The following CELSR3 variants were observed in gnomAD, a reference collection of about 807,000 sequenced individuals.
CELSR3 encodes the protein cadherin EGF LAG seven-pass G-type receptor 3, also known as EGF-like protein 1.
CELSR3 carries 73 observed loss-of-function variants against 270.0 expected under a neutral mutation model. The ratio of observed to expected loss-of-function variants is 0.27; its 90% confidence interval spans 0.22 to 0.33. The LOEUF (loss-of-function observed/expected upper bound fraction) is 0.33, where lower values mean the gene tolerates loss of function less well. Ranked by LOEUF, CELSR3 falls within the 10% of genes least tolerant of loss-of-function variation. The pLI, the probability that CELSR3 is intolerant of heterozygous loss-of-function variation, is 1.00. For missense variants in CELSR3, 3,614 were observed against 4,533.8 expected (o/e 0.80, Z 5.83); for synonymous variants, 1,780 against 1,905.4 (o/e 0.93, Z 1.71).
rs757100349 is a variant in CELSR3, at chr3:48,661,739, G to A, written c.896C>T (p.Pro299Leu). The A allele has an allele frequency of 1.6e-5, 25 of 1,581,480 alleles. No individual in the cohort carries two copies. Among genetic ancestry groups the A allele is most frequent in the Non-Finnish European group, 2.1e-5 (25 of 1,165,726 alleles). ...QRPGPRPPGLPARPEARKVTS... is the reference protein window; with the variant it reads ...QRPGPRPPGLLARPEARKVTS... ...TACTTTCCTGGCTTCAGGACGGGCC[G>A]GGAGTCCCGGGGGACGCGGCCCGGG... Residue 299 changes from proline (P) to leucine (L), a missense_variant, in exon 1 of 35, where the codon CCG becomes CTG. Physicochemically the swap from Pro to Leu is moderately conservative, Grantham distance 98 (BLOSUM62 -3). Transcript: ENST00000164024.
Position 48,645,062 on chromosome 3 carries a change from C to T in CELSR3, c.7945G>A (p.Gly2649Ser). The T allele has an allele frequency of 6.3e-7, 1 of 1,594,634 alleles. No individual in the cohort carries two copies. Among genetic ancestry groups the T allele is most frequent in the Non-Finnish European group, 8.6e-7 (1 of 1,166,518 alleles). Reference protein sequence around the residue: ...RGAMRFYHALGWGVPAVLLGL... With the variant: ...RGAMRFYHALSWGVPAVLLGL... ...AGCAGCACAGCAGGGACGCCCCAGCCCAGGGCATGGTAGAAGCGCATGGCG... is the reference window on the plus strand; with the variant it reads ...AGCAGCACAGCAGGGACGCCCCAGCTCAGGGCATGGTAGAAGCGCATGGCG... Residue 2649 changes from glycine (G) to serine (S), a missense_variant, in exon 25 of 35, where the codon GGC becomes AGC. This residue lies in a region of CELSR3 where 1,240 missense variants were observed against 1,351.7 expected (regional missense o/e 0.92). Transcript: ENST00000164024. This position sits in a 1 kb window ranked among gnomAD's most constrained non-coding sequence, Gnocchi z 5.4.
At position 48,662,207 on chromosome 3, in the gene CELSR3, C is replaced by T. The variant is rs748573551; in HGVS notation, c.428G>A (p.Gly143Glu). ...ACCTCTTTGCAAAGGTCCTGTCCGC[C>T]CGCAAGAGGAGACCTCTGGGCGCCA... ...LYWRPEVSSC[G>E]RTGPLQRGSL... Residue 143 changes from glycine to glutamate, a missense_variant, in exon 1 of 35, where the codon GGG (glycine) becomes GAG (glutamate). Transcript: ENST00000164024. The surrounding 1 kb of genome is among the most constrained non-coding windows in gnomAD (Gnocchi z 7.1). The T allele has an allele frequency of 1.1e-5, 17 of 1,612,964 alleles. No individual in the cohort carries two copies. Among genetic ancestry groups the T allele is most frequent in the African/African-American group, 9.3e-5 (7 of 74,942 alleles).
chr3:48,661,472 G>A lies in CELSR3; in HGVS notation c.1163C>T (p.Ala388Val). 1.2e-6 allele frequency: 2 copies of A among 1,607,284 alleles called. No individual in the cohort carries two copies. Among genetic ancestry groups the A allele is most frequent in the Non-Finnish European group, 8.5e-7 (1 of 1,177,162 alleles). Residue 388 changes from alanine to valine, a missense_variant, in exon 1 of 35, where the codon GCG becomes GTG. Coordinates refer to ENST00000164024, the MANE Select transcript of CELSR3 (RefSeq NM_001407.3). ...CATGCTCTCGCGGTCCAGAGCTGCC[G>A]CCGTACGGATAAGGCCGCTCTGCGG... The part of the protein sequence containing the change: ...IDPQSGLIRT[A>V]AALDRESMER...
Position 48,649,218 on chromosome 3 carries a change from G to A in CELSR3, c.6473-3C>T. ...ATCACACAGCCGCACAGCAGCACCT[G>A]GAGGCAGGCAACCCCTGGTCAGGCC... On this transcript the variant is annotated splice_polypyrimidine_tract_variant and splice_region_variant and intron_variant, in intron 16 of 34. Coordinates refer to ENST00000164024, the MANE Select transcript of CELSR3 (RefSeq NM_001407.3). 1 of 1,607,234 alleles carries A rather than the reference G, an allele frequency of 6.2e-7. No homozygotes were observed. Among genetic ancestry groups the A allele is most frequent in the Admixed American group, 1.7e-5 (1 of 59,202 alleles).
chr3:48,642,588 G>A lies in CELSR3; in HGVS notation c.8556-121C>T. On this transcript the variant is annotated intron_variant, in intron 30 of 34. Transcript: ENST00000164024. This position sits in a 1 kb window ranked among gnomAD's most constrained non-coding sequence, Gnocchi z 6.1. ...AATGGCATCCCTGGGTGTGTGTGGT[G>A]GGAAGCATTTAGGGCAGAGGCAGAA... 1 of 1,432,744 alleles carries A rather than the reference G, an allele frequency of 7.0e-7. No individual in the cohort carries two copies. Among genetic ancestry groups the A allele is most frequent in the Non-Finnish European group, 9.4e-7 (1 of 1,059,252 alleles). The allele number at this position is 1,432,744 out of a possible 1,614,324, so 88.8% of individuals were successfully genotyped here.
chr3:48,654,319 C>T lies in CELSR3; in HGVS notation c.5122G>A (p.Ala1708Thr), dbSNP rs1178154964. 1 of 1,613,966 alleles carries T rather than the reference C, an allele frequency of 6.2e-7. No individual in the cohort carries two copies. The highest frequency in any genetic ancestry group is 8.5e-7 in the Non-Finnish European group (1 of 1,180,040). The change falls in exon 7 of 35, where the codon GCT becomes ACT. Residue 1708 changes from alanine (A) to threonine (T), a missense_variant. By Grantham distance (58) the Ala-to-Thr change is moderately conservative (BLOSUM62 0). Transcript: ENST00000164024. The surrounding 1 kb of genome is among the most constrained non-coding windows in gnomAD (Gnocchi z 5.4). ...HIDGRRVDMA[A>T]FVANNGTMAG... Reference sequence around the variant, plus strand: ...ATGGTGCCATTATTTGCGACAAAAGCCGCCATGTCCACTCGGCGGCCATCA... The same window carrying T: ...ATGGTGCCATTATTTGCGACAAAAGTCGCCATGTCCACTCGGCGGCCATCA...
chr3:48,657,014 C>T lies in CELSR3; in HGVS notation c.4083G>A (p.Ala1361=), dbSNP rs769777864. 6.2e-7 allele frequency: 1 copy of T among 1,613,268 alleles called. No homozygotes were observed. Among genetic ancestry groups the T allele is most frequent in the African/African-American group, 1.3e-5 (1 of 75,006 alleles). The change falls in exon 2 of 35, where the codon GCG becomes GCA. Residue 1361 remains alanine, a synonymous_variant. Coordinates refer to ENST00000164024, the MANE Select transcript of CELSR3 (RefSeq NM_001407.3). This position sits in a 1 kb window ranked among gnomAD's most constrained non-coding sequence, Gnocchi z 5.4. ...CGAGCAGGGAGCGAGCCGCCAGCGCCGCCCGGCGCACGTACAACTGCTCCT... is the reference window on the plus strand; with the variant it reads ...CGAGCAGGGAGCGAGCCGCCAGCGCTGCCCGGCGCACGTACAACTGCTCCT... ...ELQEQLYVRR[A]ALAARSLLDV... is the part of the protein sequence containing the mutation.
In CELSR3 at chr3:48,648,431, C is replaced by A; in HGVS notation, c.6808G>T (p.Ala2270Ser). ...NLLWAGSALL[A>S]PETGDLWAAL... Reference sequence around the variant, plus strand: ...GCCCACAAGTCCCCTGTCTCTGGGGCAAGCAGTGCAGAGCCGGCCCACAGC... The same window carrying A: ...GCCCACAAGTCCCCTGTCTCTGGGGAAAGCAGTGCAGAGCCGGCCCACAGC... Residue 2270 changes from alanine (A) to serine (S), a missense_variant, in exon 19 of 35, where the codon GCC becomes TCC. By Grantham distance (99) the Ala-to-Ser change is moderately conservative. Coordinates refer to ENST00000164024, the MANE Select transcript of CELSR3 (RefSeq NM_001407.3). 6.3e-7 allele frequency: 1 copy of A among 1,595,460 alleles called. No individual in the cohort carries two copies. The highest frequency in any genetic ancestry group is 8.5e-7 in the Non-Finnish European group (1 of 1,172,670).
At position 48,658,576 on chromosome 3, in the gene CELSR3, C is replaced by T. The variant is rs2077041008; in HGVS notation, c.3748+311G>A. Reference sequence around the variant, plus strand: ...CCCATACTGGCTTTGCCTAGGACCTCCAGAGGATTACCCCAGGACCTCTGA... The same window carrying T: ...CCCATACTGGCTTTGCCTAGGACCTTCAGAGGATTACCCCAGGACCTCTGA... On this transcript the variant is annotated intron_variant, in intron 1 of 34. Transcript: ENST00000164024. This position sits in a 1 kb window ranked among gnomAD's most constrained non-coding sequence, Gnocchi z 4.7. Among the ~76,000 whole-genome samples the T allele has an allele frequency of 1.3e-5, 2 of 152,186 alleles. No individual in the cohort carries two copies. The highest frequency in any genetic ancestry group is 2.4e-5 in the African/African-American group (1 of 41,442).
In CELSR3 at chr3:48,658,700, G is replaced by A. The variant is rs2077042728; in HGVS notation, c.3748+187C>T. Among the ~76,000 whole-genome samples, 1 of 152,166 alleles carries A rather than the reference G, an allele frequency of 6.6e-6. No individual in the cohort carries two copies. Among genetic ancestry groups the A allele is most frequent in the African/African-American group, 2.4e-5 (1 of 41,440 alleles). ...CTTGGAATCACTGGGATTCTGTGGA[G>A]ATTATCCAGGAACCTAAGCAGAGTC... On this transcript the variant is annotated intron_variant, in intron 1 of 34. Coordinates refer to ENST00000164024, the MANE Select transcript of CELSR3 (RefSeq NM_001407.3). This position sits in a 1 kb window ranked among gnomAD's most constrained non-coding sequence, Gnocchi z 4.7.
rs1039247424 is a variant in CELSR3 at position 48,657,826 on chromosome 3, C to G, written c.3749-478G>C. On this transcript the variant is annotated intron_variant, in intron 1 of 34. Transcript: ENST00000164024. This position sits in a 1 kb window ranked among gnomAD's most constrained non-coding sequence, Gnocchi z 5.4. Reference sequence around the variant, plus strand: ...CATCCCCCTCCAGAAAAGAAGGGTTCCAGATCAGGGATCACCTATCTCCTA... The same window carrying G: ...CATCCCCCTCCAGAAAAGAAGGGTTGCAGATCAGGGATCACCTATCTCCTA... Among the ~76,000 whole-genome samples the G allele has an allele frequency of 6.6e-6, 1 of 152,222 alleles. No individual in the cohort carries two copies.
chr3:48,648,238 G>GGGCCCCCC, intron 19 of CELSR3, 28 bp downstream of exon 19: 2 of 1,342,626 alleles, frequency 1.5e-6, no homozygotes, highest in Non-Finnish European at 2.1e-6. Context: ...CCCCTGCTGT[G>GGGCCCCCC]CCCCGCCCTA....
chr3:48,657,267 A>G lies in CELSR3; in HGVS notation c.3830T>C (p.Val1277Ala). Residue 1277 changes from valine (V) to alanine (A), a missense_variant, in exon 2 of 35, where the codon GTG (valine) becomes GCG (alanine). This residue lies in a region of CELSR3 where 1,331 missense variants were observed against 1,933.7 expected (regional missense o/e 0.69). Transcript: ENST00000164024. The surrounding 1 kb of genome is among the most constrained non-coding windows in gnomAD (Gnocchi z 5.4). ...CTCCTGCCACATGTTCTCAAGGCGC[A>G]CGGTCAGGCTGTTGGCCAGCAACTC... Reference protein sequence around the residue: ...TEELLANSLTVRLENMWQERF... With the variant: ...TEELLANSLTARLENMWQERF... The G allele has an allele frequency of 6.2e-7, 1 of 1,612,506 alleles. No individual in the cohort carries two copies. Among genetic ancestry groups the G allele is most frequent in the Non-Finnish European group, 8.5e-7 (1 of 1,179,400 alleles).
chr3:48,659,471 A>G lies in CELSR3; in HGVS notation c.3164T>C (p.Val1055Ala). The change falls in exon 1 of 35, where the codon GTG (valine) becomes GCG (alanine). Residue 1055 changes from valine (V) to alanine (A), a missense_variant. By Grantham distance (64) the Val-to-Ala change is moderately conservative. This residue lies in a region of CELSR3 where 1,331 missense variants were observed against 1,933.7 expected (regional missense o/e 0.69). Transcript: ENST00000164024. The surrounding 1 kb of genome is among the most constrained non-coding windows in gnomAD (Gnocchi z 8.1). The stretch of plus-strand genomic sequence containing the variant: ...ATTGTCGTTCACATCCTGCACCATC[A>G]CCTGGATACTGACTGGAGTCCGGAG... The part of the protein sequence containing the change: ...PPLRTPVSIQ[V>A]MVQDVNDNAP... The G allele has an allele frequency of 6.2e-7, 1 of 1,614,100 alleles. No individual in the cohort carries two copies.
Position 48,642,218 on chromosome 3 carries a change from G to T in CELSR3, c.8665+140C>A. 1 of 953,700 alleles carries T rather than the reference G, an allele frequency of 1.0e-6. No individual in the cohort carries two copies. The highest frequency in any genetic ancestry group is 1.5e-6 in the Non-Finnish European group (1 of 654,390). 59.1% of individuals were successfully genotyped at this position (953,700 alleles called of 1,614,324 possible). A position where few individuals can be genotyped will look rare whatever the true frequency, so the allele number is the denominator to read the frequency against. ...GGACTGGGAGAACCAGGGCTGGAGAGGTAGGTGCCTCCTGAGGCAGGGACC... is the reference window on the plus strand; with the variant it reads ...GGACTGGGAGAACCAGGGCTGGAGATGTAGGTGCCTCCTGAGGCAGGGACC... On this transcript the variant is annotated intron_variant, in intron 31 of 34. Coordinates refer to ENST00000164024, the MANE Select transcript of CELSR3 (RefSeq NM_001407.3). This position sits in a 1 kb window ranked among gnomAD's most constrained non-coding sequence, Gnocchi z 6.1.
chr3:48,660,568 G>A lies in CELSR3; in HGVS notation c.2067C>T (p.Ser689=). ...GAGTATCAGGTGCCACACCAGTTAG[G>A]GAGTACTCCAATCTGGCATTCTCCC... is the stretch of plus-strand genomic sequence containing the variant. ...DHGENARLEY[S]LTGVAPDTPF... is the part of the protein sequence containing the mutation. The change falls in exon 1 of 35, where the codon TCC becomes TCT. Residue 689 remains serine, a synonymous_variant. Transcript: ENST00000164024. The surrounding 1 kb of genome is among the most constrained non-coding windows in gnomAD (Gnocchi z 5.5). 6.2e-7 allele frequency: 1 copy of A among 1,614,196 alleles called. No homozygotes were observed. Among genetic ancestry groups the A allele is most frequent in the Non-Finnish European group, 8.5e-7 (1 of 1,180,032 alleles).
In CELSR3 at chr3:48,657,613, T is replaced by C. The variant is rs1306580462; in HGVS notation, c.3749-265A>G. ...ATCAAGCAACCCCACACAGTGCCCA[T>C]GGGTTAGCAAGTCACTCCCGCAACA... On this transcript the variant is annotated intron_variant, in intron 1 of 34. Coordinates refer to ENST00000164024, the MANE Select transcript of CELSR3 (RefSeq NM_001407.3). This position sits in a 1 kb window ranked among gnomAD's most constrained non-coding sequence, Gnocchi z 5.4. Among the ~76,000 whole-genome samples, 1 of 152,136 alleles carries C rather than the reference T, an allele frequency of 6.6e-6. No individual in the cohort carries two copies. The highest frequency in any genetic ancestry group is 1.5e-5 in the Non-Finnish European group (1 of 68,018).
rs1437293062 is a variant in CELSR3, at chr3:48,652,168, A to T, written c.5752-120T>A. 6 of 1,067,366 alleles carry T rather than the reference A, an allele frequency of 5.6e-6. No individual in the cohort carries two copies. In the South Asian group the frequency reaches 1.0e-4, roughly 18 times the overall value. 66.1% of individuals were successfully genotyped at this position (1,067,366 alleles called of 1,614,324 possible). On this transcript the variant is annotated intron_variant, in intron 11 of 34. Coordinates refer to ENST00000164024, the MANE Select transcript of CELSR3 (RefSeq NM_001407.3). This position sits in a 1 kb window ranked among gnomAD's most constrained non-coding sequence, Gnocchi z 4.3. ...ATGCAGTCTTCTGATACCCTCAAAA[A>T]ACCCAGGCCTCAAAAATATCCCCAA...
chr3:48,661,341 C>A lies in CELSR3; in HGVS notation c.1294G>T (p.Val432Phe), dbSNP rs1462004775. 5 of 1,613,288 alleles carry A rather than the reference C, an allele frequency of 3.1e-6. No individual in the cohort carries two copies. Among genetic ancestry groups the A allele is most frequent in the Non-Finnish European group, 3.4e-6 (4 of 1,179,908 alleles). The change falls in exon 1 of 35, where the codon GTT becomes TTT. Residue 432 changes from valine to phenylalanine, a missense_variant. Coordinates refer to ENST00000164024, the MANE Select transcript of CELSR3 (RefSeq NM_001407.3). ...TCCCGGTACTGCGCTTGCTCAAAAACCGGCGAGTGGTCGTTGCGGTCGGCT... is the reference window on the plus strand; with the variant it reads ...TCCCGGTACTGCGCTTGCTCAAAAAACGGCGAGTGGTCGTTGCGGTCGGCT... Reference protein sequence around the residue: ...TVADRNDHSPVFEQAQYRETL... With the variant: ...TVADRNDHSPFFEQAQYRETL...
Sources: allele counts gnomAD v4.1 joint callset (sites outside exome capture counted in the v4.1 genomes callset), GRCh38; gene constraint gnomAD v4.1.1; regional missense constraint gnomAD v4.1.1; non-coding constraint Gnocchi (gnomAD v3.1); transcripts MANE v1.5; gene names NCBI Gene and HGNC (gene_info 2026-07-23, HGNC 2026-07-21).